Variants in MAP7D1 observed in about 807,000 individuals in gnomAD.
MAP7D1 encodes MAP7 domain containing 1.
MAP7D1 carries 30 observed loss-of-function variants against 97.5 expected under a neutral mutation model. The ratio of observed to expected loss-of-function variants is 0.31; its 90% CI spans 0.23 to 0.42. The LOEUF (loss-of-function observed/expected upper bound fraction) is 0.42, where lower values mean the gene tolerates loss of function less well. Among genes scored for constraint, MAP7D1 ranks in the 10% least tolerant of loss-of-function variants. The pLI, the probability that MAP7D1 is intolerant of heterozygous loss-of-function variation, is 1.00. For missense variants in MAP7D1, 1,184 were observed against 1,179.5 expected, an observed-to-expected ratio of 1.00 and a Z score of -0.06; for synonymous variants, 536 against 477.1, an observed-to-expected ratio of 1.12 and a Z score of -1.61.
At chr1:36,179,095 C>G in intron 12 of MAP7D1, 70 bp downstream of exon 12, 1 of 1,517,012 alleles carries the variant, frequency 6.6e-7, no homozygotes, top group Non-Finnish European at 8.9e-7. Context: ...GGGGCCTGGG[C>G]TTAGAGCGGA....
intron 1 of MAP7D1, among the ~76,000 whole-genome samples, chr1:36,167,655 C>T (rs574753454): frequency 2.0e-5 from 3 of 152,314 alleles, no homozygotes; most frequent in African/African-American, 7.2e-5. Flanking sequence ...GCCCGAGGTT[C>T]GCCGGGAGCC....
Position 36,160,908 on chromosome 1 carries a change from TG to T in MAP7D1, c.46+4452del, listed in dbSNP as rs1276883699. On this transcript the variant is annotated intron_variant, in intron 1 of 16. Coordinates refer to ENST00000474796, the MANE Select transcript of MAP7D1 (RefSeq NM_001388490.1). The stretch of plus-strand genomic sequence containing the variant: ...ACCCAGGTGGTGGTAATAGTCCAGC[TG>T]GGGGGGCATCTCCAGGCCTTGGCCT... Among the ~76,000 whole-genome samples the T allele has an allele frequency of 5.3e-5, 8 of 152,182 alleles. No homozygotes were observed. The East Asian group carries it at 1.3e-3, about 26-fold the overall frequency.
chr1:36,178,861 C>T (rs760238182), intron 11 of MAP7D1, 38 bp downstream of exon 11: 93 of 1,545,528 alleles, frequency 6.0e-5, no homozygotes, highest in Non-Finnish European at 7.9e-5. Context: ...GGCGCGGGCG[C>T]CGCGGGCCGG....
Position 36,178,410 on chromosome 1 carries a change from C to A in MAP7D1, c.1709-9C>A. On this transcript the variant is annotated splice_polypyrimidine_tract_variant and intron_variant, in intron 9 of 16. Coordinates refer to ENST00000474796, the MANE Select transcript of MAP7D1 (RefSeq NM_001388490.1). ...GTGTGCTGACGCCTGATCCCGGATC[C>A]CCCTCCAGACGCTGCTGTCTTGACC... 1 of 1,605,956 alleles carries A rather than the reference C, an allele frequency of 6.2e-7. No individual in the cohort carries two copies. Among genetic ancestry groups the A allele is most frequent in the Non-Finnish European group, 8.5e-7 (1 of 1,176,538 alleles).
intron 1 of MAP7D1, among the ~76,000 whole-genome samples, chr1:36,167,203 G>A (rs1390742447): frequency 6.6e-6 from 1 of 152,168 alleles, no homozygotes; most frequent in Non-Finnish European, 1.5e-5. Context: ...GCACTCCAGC[G>A]CTGAGAGGTT....
chr1:36,166,375 T>C (rs1422381049), intron 1 of MAP7D1, among the ~76,000 whole-genome samples: 1 of 149,590 alleles, frequency 6.7e-6, no homozygotes, highest in Admixed American at 6.7e-5. Context: ...GTCAGAGGAG[T>C]GACGTGATCT....
At position 36,156,375 on chromosome 1, in the gene MAP7D1, C is replaced by T. The variant is rs1031318771; in HGVS notation, c.-43C>T. 5 of 1,477,728 alleles carry T rather than the reference C, an allele frequency of 3.4e-6. No individual in the cohort carries two copies. The highest frequency in any genetic ancestry group is 4.5e-6 in the Non-Finnish European group (5 of 1,120,264). 91.5% of individuals were successfully genotyped at this position (1,477,728 alleles called of 1,614,324 possible). On this transcript the variant is annotated 5_prime_UTR_variant, in exon 1 of 17. Coordinates refer to ENST00000474796, the MANE Select transcript of MAP7D1 (RefSeq NM_001388490.1). Reference sequence around the variant, plus strand: ...CTGTCCTGGCCACTGGCCGCCGCCGCCGCCGCCGCTGAGACCCCGAGACCC... The same window carrying T: ...CTGTCCTGGCCACTGGCCGCCGCCGTCGCCGCCGCTGAGACCCCGAGACCC...
At chr1:36,160,927 C>G (rs1002297189) in intron 1 of MAP7D1, among the ~76,000 whole-genome samples, 6 of 152,268 alleles carry the variant, frequency 3.9e-5, no homozygotes, top group Admixed American at 3.9e-4. Context: ...ATCTCCAGGC[C>G]TTGGCCTGAG....
rs978835078 is a variant in MAP7D1, at chr1:36,159,144, G to A, written c.46+2681G>A. Among the ~76,000 whole-genome samples the A allele has an allele frequency of 1.6e-3, 245 of 152,042 alleles. 2 individuals are homozygous for A. Among genetic ancestry groups the A allele is most frequent in the Middle Eastern group, 6.8e-3 (2 of 294 alleles). Reference sequence around the variant, plus strand: ...ACGATCTCGGCACACTGCAACCTCCGCCTCCCAGGTTCAAGCGATTCTCTT... The same window carrying A: ...ACGATCTCGGCACACTGCAACCTCCACCTCCCAGGTTCAAGCGATTCTCTT... On this transcript the variant is annotated intron_variant, in intron 1 of 16. Transcript: ENST00000474796. This position sits in a 1 kb window ranked among gnomAD's most constrained non-coding sequence, Gnocchi z 5.4.
chr1:36,168,240 A>C (rs1344297160), intron 1 of MAP7D1, among the ~76,000 whole-genome samples: 1 of 150,864 alleles, frequency 6.6e-6, no homozygotes. Flanking sequence ...GGTTGCAGTG[A>C]GCCGAGATCG....
At position 36,171,684 on chromosome 1, in the gene MAP7D1, G is replaced by A. The variant is rs557494456; in HGVS notation, c.460+103G>A. 18 of 1,303,366 alleles carry A rather than the reference G, an allele frequency of 1.4e-5. 1 individual carries two copies. In the East Asian group the frequency reaches 3.9e-4, roughly 29 times the overall value. The allele number at this position is 1,303,366 out of a possible 1,614,324, so 80.7% of individuals were successfully genotyped here. A position where few individuals can be genotyped will look rare whatever the true frequency, so the allele number is the denominator to read the frequency against. The stretch of plus-strand genomic sequence containing the variant: ...GCAGTGGCTCACGCCTGTAATCCCA[G>A]CACTTTGGGAGGCCGAGGCGGGCGA... On this transcript the variant is annotated intron_variant, in intron 3 of 16. Transcript: ENST00000474796.
chr1:36,176,375 C>T lies in MAP7D1; in HGVS notation c.1027C>T (p.Leu343=), dbSNP rs1196321815. The T allele has an allele frequency of 6.6e-7, 1 of 1,524,040 alleles. No homozygotes were observed. The highest frequency in any genetic ancestry group is 1.2e-5 in the South Asian group (1 of 82,972). 94.4% of individuals were successfully genotyped at this position (1,524,040 alleles called of 1,614,324 possible). Residue 343 remains leucine, a synonymous_variant, in exon 7 of 17, where the codon CTG becomes TTG. Coordinates refer to ENST00000474796, the MANE Select transcript of MAP7D1 (RefSeq NM_001388490.1). The surrounding 1 kb of genome is among the most constrained non-coding windows in gnomAD (Gnocchi z 6.1). ...CACGTGGGGCCGGGCAGGGGCCAGC[C>T]TGGCGCGCGGGCCGCAACCCGACCG... ...GPTWGRAGAS[L]ARGPQPDRTH...
intron 1 of MAP7D1, among the ~76,000 whole-genome samples, chr1:36,166,481 C>T (rs534188031): frequency 6.6e-5 from 10 of 151,916 alleles, no homozygotes; most frequent in African/African-American, 2.2e-4. Flanking sequence ...GCTCCACCTC[C>T]CTGGTTCAAG....
intron 8 of MAP7D1, among the ~76,000 whole-genome samples, chr1:36,177,181 C>T (rs1444058691): frequency 1.3e-5 from 2 of 152,166 alleles, no homozygotes; most frequent in Non-Finnish European, 2.9e-5. Context: ...AACTCTTGAG[C>T]TTAGGTGATC....
At position 36,174,879 on chromosome 1, in the gene MAP7D1, G is replaced by T; in HGVS notation, c.740-19G>T. 2 of 1,533,354 alleles carry T rather than the reference G, an allele frequency of 1.3e-6. No individual in the cohort carries two copies. Among genetic ancestry groups the T allele is most frequent in the Non-Finnish European group, 1.8e-6 (2 of 1,107,332 alleles). The allele number at this position is 1,533,354 out of a possible 1,614,324, so 95.0% of individuals were successfully genotyped here. A position where few individuals can be genotyped will look rare whatever the true frequency, so the allele number is the denominator to read the frequency against. The stretch of plus-strand genomic sequence containing the variant: ...TCCTGCCGGGCCCGGCCCTAATGCC[G>T]TGTCTTTTCCCCCTCCAGGTGGGAG... On this transcript the variant is annotated intron_variant, in intron 5 of 16. Coordinates refer to ENST00000474796, the MANE Select transcript of MAP7D1 (RefSeq NM_001388490.1).
Position 36,180,083 on chromosome 1 carries a change from C to G in MAP7D1, c.2512+16C>G. 1 of 1,612,812 alleles carries G rather than the reference C, an allele frequency of 6.2e-7. No individual in the cohort carries two copies. The highest frequency in any genetic ancestry group is 1.1e-5 in the South Asian group (1 of 90,996). ...CAGGTCACAGGTAGATCTCCTGATT[C>G]CTGGACCCAGCTCCATTCCTCCCAG... is the stretch of plus-strand genomic sequence containing the variant. On this transcript the variant is annotated intron_variant, in intron 16 of 16. Coordinates refer to ENST00000474796, the MANE Select transcript of MAP7D1 (RefSeq NM_001388490.1).
At chr1:36,162,494 G>C (rs78268137) in intron 1 of MAP7D1, among the ~76,000 whole-genome samples, 1,732 of 152,312 alleles carry the variant, frequency 0.011, 35 homozygotes, top group African/African-American at 0.039. Context: ...TTTGTCATCA[G>C]ACAACTCTGG....
chr1:36,161,861 G>A, intron 1 of MAP7D1, among the ~76,000 whole-genome samples: 1 of 144,286 alleles, frequency 6.9e-6, no homozygotes, highest in African/African-American at 2.6e-5. Context: ...TGTTTCCTCT[G>A]CATGTGTGTG....
chr1:36,168,395 G>A (rs985312662), intron 1 of MAP7D1, among the ~76,000 whole-genome samples: 3 of 152,260 alleles, frequency 2.0e-5, no homozygotes, highest in Non-Finnish European at 4.4e-5. Flanking sequence ...TTGTATAATG[G>A]GGATAAGAAT....
Sources: allele counts gnomAD v4.1 joint callset (sites outside exome capture counted in the v4.1 genomes callset), GRCh38; gene constraint gnomAD v4.1.1; non-coding constraint Gnocchi (gnomAD v3.1); transcripts MANE v1.5; gene names NCBI Gene and HGNC (gene_info 2026-07-23, HGNC 2026-07-21).